Variants in TENM1 observed in about 807,000 individuals in gnomAD.
The protein encoded by TENM1 is teneurin transmembrane protein 1.
TENM1 carries 35 observed loss-of-function variants against 174.8 expected under a neutral mutation model. That is an observed-to-expected ratio of 0.20 (90% CI 0.15 to 0.27). The LOEUF (loss-of-function observed/expected upper bound fraction) is 0.27, where lower values mean the gene tolerates loss of function less well. Among genes scored for constraint, TENM1 ranks in the 10% least tolerant of loss-of-function variants. TENM1 has a pLI of 1.00. For missense variants in TENM1, 1,633 were observed against 2,130.1 expected, an observed-to-expected ratio of 0.77 and a Z score of 4.59; for synonymous variants, 781 against 798.7, an observed-to-expected ratio of 0.98 and a Z score of 0.37.
chrX:125,148,452 A>T, the TENM1 span, among the ~76,000 whole-genome samples: 2 of 111,326 alleles, frequency 1.8e-5, no homozygotes, highest in Non-Finnish European at 3.8e-5. Flanking sequence ...CTTAAAACCC[A>T]TCCCCCCTAC....
At chrX:124,732,054 A>G (rs1394450144) in intron 4 of TENM1, among the ~76,000 whole-genome samples, 1 of 112,238 alleles carries the variant, frequency 8.9e-6, no homozygotes, top group Non-Finnish European at 1.9e-5. Flanking sequence ...TGTATGGTAG[A>G]ATTAGAACTC....
At chrX:124,855,477 G>A (rs1025282080) in intron 3 of TENM1, among the ~76,000 whole-genome samples, 7 of 111,389 alleles carry the variant, frequency 6.3e-5, no homozygotes, top group Admixed American at 4.8e-4. Context: ...GTGCTTGATT[G>A]AGCTTTTATG....
At chrX:124,739,526 C>CAGAT (rs1181981861) in intron 3 of TENM1, among the ~76,000 whole-genome samples, 23 of 111,595 alleles carry the variant, frequency 2.1e-4, no homozygotes, top group African/African-American at 5.5e-4. Context: ...GACATTTTAA[C>CAGAT]AGATAGACTG....
the TENM1 span, among the ~76,000 whole-genome samples, chrX:125,108,590 A>C: frequency 4.6e-5 from 5 of 109,158 alleles, no homozygotes; most frequent in African/African-American, 1.7e-4. Context: ...GCATGGTCGT[A>C]CCTGGCTGAG....
At chrX:124,518,260 AC>A (rs199770129) in intron 18 of TENM1, among the ~76,000 whole-genome samples, 1,254 of 110,781 alleles carry the variant, frequency 0.011, 15 homozygotes, top group African/African-American at 0.038. Flanking sequence ...TTCTCTTTCT[AC>A]AGTCTCTAGA....
At chrX:124,762,400 T>C (rs1470849484) in intron 3 of TENM1, among the ~76,000 whole-genome samples, 3 of 112,686 alleles carry the variant, frequency 2.7e-5, no homozygotes, top group Non-Finnish European at 5.6e-5. Flanking sequence ...ATATCTTACA[T>C]TCCATATTAT....
intron 14 of TENM1, among the ~76,000 whole-genome samples, chrX:124,552,212 C>T (rs1344150463): frequency 2.7e-5 from 3 of 111,701 alleles, no homozygotes; most frequent in African/African-American, 9.8e-5. Flanking sequence ...GCTGATCATT[C>T]CAATGACTCA....
chrX:124,667,349 G>C (rs1259176309), intron 6 of TENM1, among the ~76,000 whole-genome samples: 2 of 110,661 alleles, frequency 1.8e-5, no homozygotes, highest in African/African-American at 3.3e-5. Context: ...CAGCACTTTG[G>C]GAGGCCGAGG....
intron 18 of TENM1, among the ~76,000 whole-genome samples, chrX:124,508,541 C>T (rs1456303205): frequency 6.2e-5 from 7 of 112,012 alleles, no homozygotes; most frequent in Non-Finnish European, 9.4e-5. Context: ...TTTACCCTAT[C>T]TATTTACAAA....
At chrX:124,399,391 TTA>T (rs970512009) in intron 27 of TENM1, among the ~76,000 whole-genome samples, 26 of 112,067 alleles carry the variant, frequency 2.3e-4, no homozygotes, top group African/African-American at 8.5e-4. Flanking sequence ...GTCCCTCTTT[TTA>T]TAGATGAGAA....
chrX:124,631,726 C>T (rs1202091783), intron 11 of TENM1, among the ~76,000 whole-genome samples: 4 of 107,430 alleles, frequency 3.7e-5, no homozygotes, highest in African/African-American at 1.4e-4. Flanking sequence ...AGTGAAACCC[C>T]ATCTCTACTA....
the TENM1 span, among the ~76,000 whole-genome samples, chrX:125,132,395 C>T: frequency 9.0e-6 from 1 of 111,053 alleles, no homozygotes; most frequent in Non-Finnish European, 1.9e-5. Flanking sequence ...TTTGCCTTTT[C>T]TCATTTTTCT....
At chrX:124,902,748 TTAAAG>T (rs1191662478) in intron 1 of TENM1, among the ~76,000 whole-genome samples, 1 of 112,662 alleles carries the variant, frequency 8.9e-6, no homozygotes, top group Non-Finnish European at 1.9e-5. Context: ...CCCACTCAAT[TTAAAG>T]TAAAGAAATC....
chrX:124,703,453 A>G (rs1319757725), intron 5 of TENM1, among the ~76,000 whole-genome samples: 1 of 112,048 alleles, frequency 8.9e-6, no homozygotes, highest in Non-Finnish European at 1.9e-5. Flanking sequence ...AAATTTAAAT[A>G]GAAAATTAGT....
chrX:124,694,720 G>C (rs989261327), intron 5 of TENM1, among the ~76,000 whole-genome samples: 1 of 111,981 alleles, frequency 8.9e-6, no homozygotes, highest in Non-Finnish European at 1.9e-5. Context: ...ACTGCATGCT[G>C]TTCTTTACGT....
At position 124,430,343 on chromosome X, in the gene TENM1, C is replaced by T. The variant is rs1168031248; in HGVS notation, c.4105-7705G>A. The stretch of plus-strand genomic sequence containing the variant: ...CACTAGAAGGAAGTAGTTAGGACCT[C>T]AGGCTCACGAGTTAAGATTTCTGGA... On this transcript the variant is annotated intron_variant, in intron 23 of 31. Transcript: ENST00000422452. Among the ~76,000 whole-genome samples, 4 of 112,229 alleles carry T rather than the reference C, an allele frequency of 3.6e-5. No homozygotes were observed. In the East Asian group the frequency reaches 1.1e-3, roughly 31 times the overall value.
intron 5 of TENM1, among the ~76,000 whole-genome samples, chrX:124,694,038 T>C (rs754453632): frequency 1.3e-4 from 14 of 111,363 alleles, no homozygotes; most frequent in Admixed American, 1.1e-3. Flanking sequence ...ATTTTTGCTG[T>C]ATCCTGAAAT....
At position 124,470,683 on chromosome X, in the gene TENM1, AT is replaced by A. The variant is rs1361814075; in HGVS notation, c.3949+11048del. Among the ~76,000 whole-genome samples, 3 of 111,106 alleles carry A rather than the reference AT, an allele frequency of 2.7e-5. No individual in the cohort carries two copies. The Admixed American group carries it at 2.9e-4, about 11-fold the overall frequency. ...TATCTTTTACTACTGGCCTGCCAGG[AT>A]TCCTTCAAGGTCTTCCATTTAGGTT... is the stretch of plus-strand genomic sequence containing the variant. On this transcript the variant is annotated intron_variant, in intron 22 of 31. Coordinates refer to ENST00000422452, the Ensembl canonical transcript of TENM1.
chrX:124,407,296 T>C (rs974463815), intron 25 of TENM1, among the ~76,000 whole-genome samples: 1 of 111,160 alleles, frequency 9.0e-6, no homozygotes, highest in Non-Finnish European at 1.9e-5. Context: ...CTGAAGGCTT[T>C]TGATGTGGAG....
Sources: allele counts gnomAD v4.1 joint callset (sites outside exome capture counted in the v4.1 genomes callset), GRCh38; gene constraint gnomAD v4.1.1; transcripts MANE v1.5; gene names NCBI Gene and HGNC (gene_info 2026-07-23, HGNC 2026-07-21).